ERBB4: variants seen among roughly 807,000 people sequenced by gnomAD.
ERBB4 encodes erb-b2 receptor tyrosine kinase 4, also known as receptor tyrosine-protein kinase erbB-4.
ERBB4 carries 42 observed loss-of-function variants against 158.0 expected under a neutral mutation model. That is an observed-to-expected ratio of 0.27 (90% CI 0.21 to 0.34). The LOEUF is 0.34. ERBB4 is among the 10% of genes least tolerant of loss of function. The pLI is 1.00. For missense variants in ERBB4, 1,333 were observed against 1,624.1 expected (o/e 0.82, Z 3.08); for synonymous variants, 583 against 558.7 (o/e 1.04, Z -0.61).
At chr2:211,628,534 G>A (rs2069957057) in intron 17 of ERBB4, among the ~76,000 whole-genome samples, 1 of 152,188 alleles carries the variant, frequency 6.6e-6, no homozygotes, top group African/African-American at 2.4e-5. Flanking sequence ...ATTCCATGGT[G>A]TATATGTGCC....
At chr2:211,973,941 T>C (rs1313649707) in intron 2 of ERBB4, among the ~76,000 whole-genome samples, 2 of 152,150 alleles carry the variant, frequency 1.3e-5, no homozygotes, top group Non-Finnish European at 2.9e-5. Context: ...GGACATGAAT[T>C]AAGCTGGAAG....
intron 20 of ERBB4, among the ~76,000 whole-genome samples, chr2:211,531,551 T>C (rs1196674359): frequency 1.3e-5 from 2 of 152,104 alleles, no homozygotes; most frequent in Admixed American, 6.5e-5. Flanking sequence ...AACAGTTACA[T>C]GAAAAGGTGC....
chr2:211,976,228 C>G (rs2081602703), intron 2 of ERBB4, among the ~76,000 whole-genome samples: 2 of 152,110 alleles, frequency 1.3e-5, no homozygotes, highest in African/African-American at 4.8e-5. Context: ...AAGTATAACT[C>G]TAAACCAGAA....
At position 212,064,321 on chromosome 2, in the gene ERBB4, A is replaced by G. The variant is rs187080205; in HGVS notation, c.234+60431T>C. Among the ~76,000 whole-genome samples, 392 of 152,274 alleles carry G rather than the reference A, an allele frequency of 2.6e-3. 1 individual carries two copies. Among genetic ancestry groups the G allele is most frequent in the African/African-American group, 9.0e-3 (376 of 41,560 alleles). On this transcript the variant is annotated intron_variant, in intron 2 of 27. Coordinates refer to ENST00000342788, the MANE Select transcript of ERBB4 (RefSeq NM_005235.3). The stretch of plus-strand genomic sequence containing the variant: ...AAAATATGGGCAGTGTACTAAATAC[A>G]TGGATGCCATGCTAAATAATTTTGA...
intron 15 of ERBB4, among the ~76,000 whole-genome samples, chr2:211,661,612 T>C (rs1326987117): frequency 6.6e-6 from 1 of 152,024 alleles, no homozygotes; most frequent in Admixed American, 6.6e-5. Flanking sequence ...GAAATAAAAA[T>C]GAAGGAAATT....
intron 20 of ERBB4, among the ~76,000 whole-genome samples, chr2:211,547,226 A>C (rs2066964977): frequency 6.6e-6 from 1 of 152,098 alleles, no homozygotes; most frequent in African/African-American, 2.4e-5. Flanking sequence ...CTTCCTGTGA[A>C]TCTACAATTA....
At position 211,833,091 on chromosome 2, in the gene ERBB4, C is replaced by T. The variant is rs10196788; in HGVS notation, c.422-44932G>A. On this transcript the variant is annotated intron_variant, in intron 3 of 27. Coordinates refer to ENST00000342788, the MANE Select transcript of ERBB4 (RefSeq NM_005235.3). The stretch of plus-strand genomic sequence containing the variant: ...GAGTAGATATAAAAACTGCCTGGAA[C>T]AGTGCCTGACAAACAGCAGATACCC... Among the ~76,000 whole-genome samples the T allele has an allele frequency of 2.6e-3, 397 of 152,166 alleles. 2 individuals are homozygous for T. The highest frequency in any genetic ancestry group is 9.2e-3 in the African/African-American group (382 of 41,540).
chr2:211,807,501 C>T (rs1240482868), intron 3 of ERBB4, among the ~76,000 whole-genome samples: 2 of 152,182 alleles, frequency 1.3e-5, no homozygotes, highest in Non-Finnish European at 1.5e-5. Context: ...GCACAGTATT[C>T]CATGGTGTAT....
intron 9 of ERBB4, among the ~76,000 whole-genome samples, chr2:211,706,917 GC>G (rs1475529378): frequency 6.6e-6 from 1 of 152,088 alleles, no homozygotes; most frequent in African/African-American, 2.4e-5. Context: ...TGAACATGAA[GC>G]CAAAAATGAA....
intron 1 of ERBB4, among the ~76,000 whole-genome samples, chr2:212,353,574 C>A (rs972932183): frequency 2.6e-5 from 4 of 151,562 alleles, no homozygotes; most frequent in Non-Finnish European, 4.4e-5. Context: ...AATTTTCTTT[C>A]TAAAAATTTG....
intron 3 of ERBB4, among the ~76,000 whole-genome samples, chr2:211,825,913 C>T (rs1163029772): frequency 2.0e-5 from 3 of 147,782 alleles, no homozygotes; most frequent in Non-Finnish European, 4.5e-5. Flanking sequence ...TAGGATAATC[C>T]TGTTAATTTG....
At chr2:211,527,307 G>A (rs79532581) in intron 20 of ERBB4, among the ~76,000 whole-genome samples, 18,544 of 151,994 alleles carry the variant, frequency 0.12, 1,947 homozygotes, top group African/African-American at 0.29. Flanking sequence ...TAATGTGCTG[G>A]AAAAAAACCC....
chr2:212,398,432 T>TAA (rs1337814327), intron 1 of ERBB4, among the ~76,000 whole-genome samples: 1 of 152,004 alleles, frequency 6.6e-6, no homozygotes, highest in Non-Finnish European at 1.5e-5. Context: ...GAAAACATAA[T>TAA]AAAATTTTAT....
intron 3 of ERBB4, among the ~76,000 whole-genome samples, chr2:211,944,108 C>CTA (rs35918167): frequency 1.2e-4 from 16 of 133,112 alleles, no homozygotes; most frequent in East Asian, 6.2e-4. Context: ...CATGGTTACA[C>CTA]TATATATATA....
At chr2:212,069,504 C>G (rs1037577158) in intron 2 of ERBB4, among the ~76,000 whole-genome samples, 1 of 151,966 alleles carries the variant, frequency 6.6e-6, no homozygotes, top group Non-Finnish European at 1.5e-5. Context: ...CGATCAGGAA[C>G]AAGGCAAATA....
chr2:211,857,895 G>T (rs914397725), intron 3 of ERBB4, among the ~76,000 whole-genome samples: 1 of 152,182 alleles, frequency 6.6e-6, no homozygotes, highest in African/African-American at 2.4e-5. Flanking sequence ...AAGCACACGG[G>T]TAAGGATCTC....
chr2:211,685,659 C>T (rs1298244566), intron 12 of ERBB4, among the ~76,000 whole-genome samples: 1 of 152,086 alleles, frequency 6.6e-6, no homozygotes, highest in East Asian at 1.9e-4. Flanking sequence ...TCTCAACAAA[C>T]CTTTTTGATA....
intron 1 of ERBB4, among the ~76,000 whole-genome samples, chr2:212,284,863 T>G (rs1473638396): frequency 6.6e-6 from 1 of 152,134 alleles, no homozygotes; most frequent in African/African-American, 2.4e-5. Flanking sequence ...AAGCTCTTTA[T>G]GAATACTAAA....
At chr2:211,832,395 T>G (rs1169370360) in intron 3 of ERBB4, among the ~76,000 whole-genome samples, 1 of 152,104 alleles carries the variant, frequency 6.6e-6, no homozygotes, top group African/African-American at 2.4e-5. Context: ...AAATACATTT[T>G]TCTCTTTAAG....
Sources: gnomAD v4.1 joint callset for allele counts (sites outside exome capture counted in the v4.1 genomes callset) on GRCh38, gnomAD v4.1.1 for gene constraint, MANE v1.5 for transcripts, NCBI Gene and HGNC (gene_info 2026-07-23, HGNC 2026-07-21) for gene names.